The following MACF1 variants were observed in gnomAD, a reference collection of about 807,000 sequenced individuals.
MACF1 encodes the protein microtubule actin crosslinking factor 1.
A neutral mutation model predicts 854.8 loss-of-function variants in MACF1; 193 were observed. The observed-to-expected ratio is 0.23, with a 90% CI of 0.20 to 0.25. The LOEUF is 0.25. Among genes scored for constraint, MACF1 ranks in the 10% least tolerant of loss-of-function variants. MACF1 has a pLI of 1.00. For missense variants in MACF1, 7,722 were observed against 8,929.1 expected, an observed-to-expected ratio of 0.86 and a Z score of 5.45; for synonymous variants, 3,185 against 3,226.7, an observed-to-expected ratio of 0.99 and a Z score of 0.44.
chr1:39,178,181 CTTT>C (rs67390335), intron 2 of MACF1, among the ~76,000 whole-genome samples: 3 of 137,584 alleles, frequency 2.2e-5, no homozygotes, highest in Admixed American at 7.3e-5. Context: ...TTTCAACATT[CTTT>C]TTTTTTTTTT....
At chr1:39,344,476 G>C (rs187195162) in intron 40 of MACF1, among the ~76,000 whole-genome samples, 1 of 151,648 alleles carries the variant, frequency 6.6e-6, no homozygotes, top group South Asian at 2.1e-4. Context: ...AGGAAGTAAA[G>C]TACACTTGGA....
chr1:39,454,388 G>C (rs1644395646), intron 88 of MACF1, among the ~76,000 whole-genome samples: 1 of 152,182 alleles, frequency 6.6e-6, no homozygotes, highest in African/African-American at 2.4e-5. Context: ...TGGATACCAA[G>C]GAACAACTAT....
Position 39,331,766 on chromosome 1 carries a change from A to C in MACF1, c.5178A>C (p.Lys1726Asn), listed in dbSNP as rs1170867700. 3 of 1,614,176 alleles carry C rather than the reference A, an allele frequency of 1.9e-6. No individual in the cohort carries two copies. In the East Asian group the frequency reaches 6.7e-5, roughly 36 times the overall value. Residue 1726 changes from lysine to asparagine, a missense_variant, in exon 37 of 101, where the codon AAA (lysine) becomes AAC (asparagine). This residue lies in a region of MACF1 where 1,531 missense variants were observed against 1,601.6 expected (regional missense o/e 0.96). Transcript: ENST00000564288. ...TTGTCCACCAGGAATCAGGATTCAA[A>C]TTACTGCCTGTCAAACAATTGGCAG... Reference protein sequence around the residue: ...RCIVHQESGFKLLPVKQLAGG... With the variant: ...RCIVHQESGFNLLPVKQLAGG...
chr1:39,419,152 C>T (rs562658201), intron 58 of MACF1, among the ~76,000 whole-genome samples: 2 of 152,264 alleles, frequency 1.3e-5, no homozygotes, highest in East Asian at 1.9e-4. Context: ...TTCAAATGTA[C>T]GTTCTTTAAC....
intron 58 of MACF1, among the ~76,000 whole-genome samples, chr1:39,421,071 TAGTC>T (rs1324993136): frequency 2.0e-5 from 3 of 152,092 alleles, no homozygotes; most frequent in Non-Finnish European, 4.4e-5. Context: ...TTCACCATGT[TAGTC>T]AGGATGGTCT....
chr1:39,328,940 A>G (rs982035969), intron 36 of MACF1, among the ~76,000 whole-genome samples: 2 of 152,204 alleles, frequency 1.3e-5, no homozygotes, highest in African/African-American at 2.4e-5. Flanking sequence ...TTGAGACTCC[A>G]TGAATCTCAC....
intron 49 of MACF1, among the ~76,000 whole-genome samples, chr1:39,365,356 A>G (rs1648609738): frequency 6.6e-6 from 1 of 152,180 alleles, no homozygotes. Flanking sequence ...GATTACAGAC[A>G]TGAGCCACCA....
At chr1:39,477,072 T>TACACACAC (rs1553457844) in intron 97 of MACF1, among the ~76,000 whole-genome samples, 18,577 of 53,208 alleles carry the variant, frequency 0.35, 3,665 homozygotes, top group South Asian at 0.42. Context: ...TATATATATA[T>TACACACAC]ATATATATAT....
chr1:39,281,701 A>C (rs79027360), intron 6 of MACF1, among the ~76,000 whole-genome samples: 1 of 152,184 alleles, frequency 6.6e-6, no homozygotes, highest in Non-Finnish European at 1.5e-5. Context: ...AAAGAATTCT[A>C]TTCTGCTATA....
chr1:39,153,454 C>T (rs2148198852), intron 2 of MACF1, among the ~76,000 whole-genome samples: 1 of 152,256 alleles, frequency 6.6e-6, no homozygotes, highest in Non-Finnish European at 1.5e-5. Flanking sequence ...CTCAAAGGAG[C>T]CAACCATTTC....
intron 2 of MACF1, among the ~76,000 whole-genome samples, chr1:39,155,326 T>G (rs1643661899): frequency 6.6e-6 from 1 of 152,260 alleles, no homozygotes; most frequent in Non-Finnish European, 1.5e-5. Flanking sequence ...GTCTTTTAAA[T>G]GCACTTAGTT....
intron 32 of MACF1, 88 bp downstream of exon 32, chr1:39,322,803 A>C: frequency 6.6e-7 from 1 of 1,519,848 alleles, no homozygotes; most frequent in African/African-American, 1.4e-5. Flanking sequence ...TTTAGGGCTC[A>C]CTTTTCTGGT....
At chr1:39,102,955 C>T (rs1351786880) in intron 2 of MACF1, 4 of 701,376 alleles carry the variant, frequency 5.7e-6, no homozygotes, top group Non-Finnish European at 1.0e-5. Flanking sequence ...AAAATTTTCT[C>T]TGTATAAAAC....
intron 61 of MACF1, among the ~76,000 whole-genome samples, chr1:39,426,654 C>G (rs545610060): frequency 1.7e-4 from 26 of 152,262 alleles, no homozygotes; most frequent in Non-Finnish European, 3.7e-4. Context: ...TAGCACTTCT[C>G]TGGTCTCAGT....
chr1:39,163,418 G>C (rs1213644276), intron 2 of MACF1, among the ~76,000 whole-genome samples: 1 of 151,176 alleles, frequency 6.6e-6, no homozygotes, highest in East Asian at 1.9e-4. Context: ...CTAATTTTTG[G>C]TCAAAAGATG....
Position 39,379,233 on chromosome 1 carries a change from A to T in MACF1, c.13307A>T (p.Asp4436Val), listed in dbSNP as rs959661480. Reference protein sequence around the residue: ...DLTEIQCDMSDVNLKYEKLGG... With the variant: ...DLTEIQCDMSVVNLKYEKLGG... ...ACGGAGATCCAGTGTGACATGTCAG[A>T]TGTAAACTTGAAGTATGAGAAACTA... Residue 4436 changes from aspartate (D) to valine (V), a missense_variant, in exon 54 of 101, where the codon GAT becomes GTT. Transcript: ENST00000564288. 5.0e-6 allele frequency: 8 copies of T among 1,609,688 alleles called. No homozygotes were observed. The highest frequency in any genetic ancestry group is 2.7e-5 in the African/African-American group (2 of 74,682).
chr1:39,474,438 G>A (rs1371771981), intron 97 of MACF1, among the ~76,000 whole-genome samples: 2 of 151,850 alleles, frequency 1.3e-5, no homozygotes, highest in East Asian at 1.9e-4. Context: ...GCTCACACCT[G>A]TAATCCTAGC....
chr1:39,332,456 A>G lies in MACF1; in HGVS notation c.5868A>G (p.Thr1956=). 1.2e-6 allele frequency: 2 copies of G among 1,614,088 alleles called. No homozygotes were observed. The highest frequency in any genetic ancestry group is 1.7e-6 in the Non-Finnish European group (2 of 1,180,028). ...LPCSKSHPKA[T]ASQSENLLFQ... The stretch of plus-strand genomic sequence containing the variant: ...GCAGCAAGAGCCACCCTAAGGCCAC[A>G]GCAAGCCAGAGTGAGAATCTGTTGT... The change falls in exon 37 of 101, where the codon ACA becomes ACG. Residue 1956 remains threonine, a synonymous_variant. Transcript: ENST00000564288.
intron 97 of MACF1, among the ~76,000 whole-genome samples, chr1:39,473,507 T>G (rs1644816660): frequency 1.3e-5 from 2 of 152,232 alleles, no homozygotes; most frequent in South Asian, 4.1e-4. Flanking sequence ...TGAAAATTCA[T>G]GGATTTGCAT....
Sources: gnomAD v4.1 joint callset for allele counts (sites outside exome capture counted in the v4.1 genomes callset) on GRCh38, gnomAD v4.1.1 for gene constraint, gnomAD v4.1.1 regional missense constraint, MANE v1.5 for transcripts, NCBI Gene and HGNC (gene_info 2026-07-23, HGNC 2026-07-21) for gene names.